The following WNT3A variants were observed in gnomAD, a reference collection of about 807,000 sequenced individuals.
WNT3A encodes the protein protein Wnt-3a.
In WNT3A, 17 loss-of-function variants were observed where a neutral mutation model predicts 37.0. The ratio of observed to expected loss-of-function variants is 0.46; its 90% CI spans 0.31 to 0.69. WNT3A has a LOEUF of 0.69. WNT3A is among the 30% of genes least tolerant of loss of function. WNT3A has a pLI of 0.05. For synonymous variants in WNT3A, 187 were observed against 211.0 expected (o/e 0.89, Z 0.99); for missense variants, 411 against 510.2 (o/e 0.81, Z 1.87).
At chr1:228,035,987 G>A (rs373273633) in intron 2 of WNT3A, among the ~76,000 whole-genome samples, 37 of 152,198 alleles carry the variant, frequency 2.4e-4, no homozygotes, top group South Asian at 4.1e-4. Flanking sequence ...CTGCCATGGG[G>A]ACTCAGAAAT....
rs1454697825 is a variant in WNT3A at position 228,008,349 on chromosome 1, G to A, written c.71+1150G>A. Among the ~76,000 whole-genome samples, 1 of 152,344 alleles carries A rather than the reference G, an allele frequency of 6.6e-6. No individual in the cohort carries two copies. Among genetic ancestry groups the A allele is most frequent in the East Asian group, 1.9e-4 (1 of 5,176 alleles). ...GAGGGGAAGGGGGGAGACCCAGCGA[G>A]CCGAGGTACATCTAATCCGATAATA... On this transcript the variant is annotated intron_variant, in intron 1 of 3. Transcript: ENST00000284523. This position sits in a 1 kb window ranked among gnomAD's most constrained non-coding sequence, Gnocchi z 4.9.
chr1:228,044,243 G>A (rs942404350), intron 2 of WNT3A, among the ~76,000 whole-genome samples: 3 of 152,132 alleles, frequency 2.0e-5, no homozygotes, highest in South Asian at 2.1e-4. Flanking sequence ...CATAAACATC[G>A]CAGGAGTGGC....
chr1:228,017,402 G>A (rs956891341), intron 1 of WNT3A, among the ~76,000 whole-genome samples: 1 of 152,192 alleles, frequency 6.6e-6, no homozygotes, highest in Non-Finnish European at 1.5e-5. Context: ...GGAGGGAAGA[G>A]GAGGGACTAG....
chr1:228,034,288 A>G (rs2031085884), intron 2 of WNT3A, among the ~76,000 whole-genome samples: 1 of 152,172 alleles, frequency 6.6e-6, no homozygotes, highest in African/African-American at 2.4e-5. Context: ...ATACGCACAC[A>G]CACATACACA....
rs2031795269 is a variant in WNT3A, at chr1:228,061,012, C to G, written c.*1547C>G. 1 of 152,778 alleles carries G rather than the reference C, an allele frequency of 6.5e-6. No homozygotes were observed. Among genetic ancestry groups the G allele is most frequent in the South Asian group, 2.1e-4 (1 of 4,828 alleles). 9.5% of individuals were successfully genotyped at this position (152,778 alleles called of 1,614,324 possible). A position where few individuals can be genotyped will look rare whatever the true frequency, so the allele number is the denominator to read the frequency against. On this transcript the variant is annotated 3_prime_UTR_variant, in exon 4 of 4. Coordinates refer to ENST00000284523, the MANE Select transcript of WNT3A (RefSeq NM_033131.4). ...ATGGCCCGGCCCCTCCTGACTCATC[C>G]GCCTGGCCCGGGAATGAATGGGGAG... is the stretch of plus-strand genomic sequence containing the variant.
In WNT3A at chr1:228,042,625, G is replaced by A. The variant is rs2031309147; in HGVS notation, c.314-8031G>A. Among the ~76,000 whole-genome samples, 1 of 152,068 alleles carries A rather than the reference G, an allele frequency of 6.6e-6. No homozygotes were observed. Among genetic ancestry groups the A allele is most frequent in the Admixed American group, 6.6e-5 (1 of 15,266 alleles). ...TGGATGCATGATGAATGGATAATGG[G>A]TGAATGGATGGATGAGTGGTGGTAG... On this transcript the variant is annotated intron_variant, in intron 2 of 3. Coordinates refer to ENST00000284523, the MANE Select transcript of WNT3A (RefSeq NM_033131.4). The surrounding 1 kb of genome is among the most constrained non-coding windows in gnomAD (Gnocchi z 5.2).
intron 2 of WNT3A, among the ~76,000 whole-genome samples, chr1:228,046,291 T>C (rs974339325): frequency 6.6e-6 from 1 of 151,300 alleles, no homozygotes; most frequent in Admixed American, 6.6e-5. Flanking sequence ...TGTTTGCATG[T>C]GTGTGGTGCA....
intron 2 of WNT3A, among the ~76,000 whole-genome samples, chr1:228,030,231 C>T (rs1337129435): frequency 6.6e-6 from 1 of 151,690 alleles, no homozygotes; most frequent in Admixed American, 6.6e-5. Flanking sequence ...CCTGCCTCTA[C>T]TAAAATACAA....
In WNT3A at chr1:228,039,596, C is replaced by G. The variant is rs1023744128; in HGVS notation, c.314-11060C>G. Among the ~76,000 whole-genome samples, 1 of 152,172 alleles carries G rather than the reference C, an allele frequency of 6.6e-6. No homozygotes were observed. The highest frequency in any genetic ancestry group is 2.1e-4 in the South Asian group (1 of 4,826). Reference sequence around the variant, plus strand: ...TCACAGCCCAGAGGAGGGGTCAGCACGGAATGGAATCTGAGCTTGGGAGAT... The same window carrying G: ...TCACAGCCCAGAGGAGGGGTCAGCAGGGAATGGAATCTGAGCTTGGGAGAT... On this transcript the variant is annotated intron_variant, in intron 2 of 3. Coordinates refer to ENST00000284523, the MANE Select transcript of WNT3A (RefSeq NM_033131.4). The surrounding 1 kb of genome is among the most constrained non-coding windows in gnomAD (Gnocchi z 4.1).
chr1:228,019,892 G>A (rs1244359039), intron 1 of WNT3A, among the ~76,000 whole-genome samples: 2 of 152,212 alleles, frequency 1.3e-5, no homozygotes, highest in African/African-American at 2.4e-5. Flanking sequence ...TGGAATGGAG[G>A]CACCTCACCT....
chr1:228,047,307 A>G (rs13374948), intron 2 of WNT3A, among the ~76,000 whole-genome samples: 29,858 of 152,184 alleles, frequency 0.2, 4,168 homozygotes, highest in African/African-American at 0.39. Flanking sequence ...CAACCAAAGC[A>G]GGCCCGAGGG....
intron 1 of WNT3A, among the ~76,000 whole-genome samples, chr1:228,019,654 TC>T (rs889852588): frequency 3.3e-5 from 5 of 152,206 alleles, no homozygotes; most frequent in African/African-American, 9.7e-5. Flanking sequence ...CCTTTGGACA[TC>T]AAAGCCTTGT....
At chr1:228,034,495 T>C (rs547500144) in intron 2 of WNT3A, among the ~76,000 whole-genome samples, 2 of 152,210 alleles carry the variant, frequency 1.3e-5, no homozygotes, top group African/African-American at 4.8e-5. Flanking sequence ...AGTGCCATGA[T>C]GAATAGCAGA....
At chr1:228,011,065 G>C (rs1308727111) in intron 1 of WNT3A, among the ~76,000 whole-genome samples, 1 of 152,156 alleles carries the variant, frequency 6.6e-6, no homozygotes, top group African/African-American at 2.4e-5. Flanking sequence ...CCTCAGTCCT[G>C]GTGGGCCTCA....
chr1:228,039,585 A>AG lies in WNT3A; in HGVS notation c.314-11067dup, dbSNP rs1352617863. On this transcript the variant is annotated intron_variant, in intron 2 of 3. Transcript: ENST00000284523. The surrounding 1 kb of genome is among the most constrained non-coding windows in gnomAD (Gnocchi z 4.1). ...CTTCTTTCTGGTCACAGCCCAGAGG[A>AG]GGGGTCAGCACGGAATGGAATCTGA... Among the ~76,000 whole-genome samples the AG allele has an allele frequency of 6.6e-6, 1 of 152,134 alleles. No homozygotes were observed. The highest frequency in any genetic ancestry group is 1.5e-5 in the Non-Finnish European group (1 of 68,006).
chr1:228,045,713 G>C (rs1045282275), intron 2 of WNT3A, among the ~76,000 whole-genome samples: 1 of 152,200 alleles, frequency 6.6e-6, no homozygotes, highest in African/African-American at 2.4e-5. Flanking sequence ...GTTTCTTGGA[G>C]AGGTGCGGAG....
At chr1:228,012,510 C>T (rs954057494) in intron 1 of WNT3A, among the ~76,000 whole-genome samples, 2 of 152,216 alleles carry the variant, frequency 1.3e-5, no homozygotes, top group African/African-American at 4.8e-5. Context: ...CCTGAAGCCA[C>T]ACCTGGAGTA....
intron 2 of WNT3A, among the ~76,000 whole-genome samples, chr1:228,029,745 C>A (rs547732059): frequency 1.3e-5 from 2 of 151,150 alleles, no homozygotes; most frequent in Non-Finnish European, 3.0e-5. Context: ...TGCCCACCCC[C>A]CCCCCAATTC....
chr1:228,032,950 T>C (rs4363416), intron 2 of WNT3A, among the ~76,000 whole-genome samples: 20,076 of 152,260 alleles, frequency 0.13, 1,583 homozygotes, highest in African/African-American at 0.22. Flanking sequence ...TCTTTTCATG[T>C]GCTCATTGGC....
Sources: gnomAD v4.1 joint callset for allele counts (sites outside exome capture counted in the v4.1 genomes callset) on GRCh38, gnomAD v4.1.1 for gene constraint, Gnocchi (gnomAD v3.1) non-coding constraint, MANE v1.5 for transcripts, NCBI Gene and HGNC (gene_info 2026-07-23, HGNC 2026-07-21) for gene names.